The following SASH1 variants were observed in gnomAD, a reference collection of about 807,000 sequenced individuals.
SASH1 encodes SAM and SH3 domain containing 1, also known as SAM and SH3 domain-containing protein 1.
In SASH1, 44 loss-of-function variants were observed where a neutral mutation model predicts 125.2. That is an observed-to-expected ratio of 0.35 (90% confidence interval 0.28 to 0.45). SASH1 has a LOEUF of 0.45. SASH1 is among the 20% of genes least tolerant of loss of function. The probability of loss-of-function intolerance (pLI) is 1.00; values close to 1 mark genes in which losing one functional copy is unlikely to be tolerated. For missense variants in SASH1, 1,426 were observed against 1,614.5 expected (o/e 0.88, Z 2.00); for synonymous variants, 639 against 649.1 (o/e 0.98, Z 0.24).
intron 2 of SASH1, among the ~76,000 whole-genome samples, chr6:148,436,494 G>C (rs1776295283): frequency 6.6e-6 from 1 of 151,468 alleles, no homozygotes; most frequent in Non-Finnish European, 1.5e-5. Context: ...AACAGAATGA[G>C]ACCTTGTCTC....
At chr6:148,340,375 C>G (rs1781285152), upstream of SASH1, among the ~76,000 whole-genome samples, 1 of 151,738 alleles carries the variant, frequency 6.6e-6, no homozygotes, top group Admixed American at 6.6e-5. Context: ...CCCAGCTACT[C>G]AGGAGGCTGA....
chr6:148,209,158 A>C, the SASH1 span, among the ~76,000 whole-genome samples: 1 of 152,230 alleles, frequency 6.6e-6, no homozygotes, highest in Non-Finnish European at 1.5e-5. Context: ...TGCCTTTATA[A>C]ATCACCTGAA....
intron 7 of SASH1, among the ~76,000 whole-genome samples, chr6:148,478,506 G>A (rs1778469156): frequency 6.6e-6 from 1 of 152,178 alleles, no homozygotes; most frequent in Non-Finnish European, 1.5e-5. Context: ...ATAGAGAGTA[G>A]AATGATGGTT....
intron 16 of SASH1, among the ~76,000 whole-genome samples, chr6:148,537,086 A>G (rs1183295332): frequency 6.6e-6 from 1 of 152,214 alleles, no homozygotes; most frequent in Non-Finnish European, 1.5e-5. Context: ...GTGGCTAAGA[A>G]GTAGTGCCTC....
intron 1 of SASH1, among the ~76,000 whole-genome samples, chr6:148,370,524 A>T (rs548428294): frequency 8.7e-4 from 132 of 152,144 alleles, no homozygotes; most frequent in African/African-American, 2.9e-3. Flanking sequence ...ATGCTTTTTC[A>T]AAAATATATT....
chr6:148,302,876 G>T (rs1182874462), intron 1 of SASH1, among the ~76,000 whole-genome samples: 1 of 150,924 alleles, frequency 6.6e-6, no homozygotes, highest in Non-Finnish European at 1.5e-5. Flanking sequence ...AGAAAGAGAT[G>T]ATGGCAACTA....
At chr6:148,306,883 T>C (rs145848716) in intron 1 of SASH1, among the ~76,000 whole-genome samples, 2 of 152,132 alleles carry the variant, frequency 1.3e-5, no homozygotes, top group African/African-American at 2.4e-5. Context: ...CTCTGTGCAA[T>C]GTGCTCAAGC....
the SASH1 span, among the ~76,000 whole-genome samples, chr6:148,207,614 A>C: frequency 6.6e-6 from 1 of 152,234 alleles, no homozygotes; most frequent in Non-Finnish European, 1.5e-5. Flanking sequence ...CGGGAGCCCC[A>C]TGTGCTGCCT....
upstream of SASH1, among the ~76,000 whole-genome samples, chr6:148,271,919 G>A (rs1779071952): frequency 6.6e-6 from 1 of 152,194 alleles, no homozygotes. Context: ...ACACCGTGCT[G>A]AGAGTTTTGT....
At chr6:148,327,529 C>T (rs1029341003) in intron 1 of SASH1, among the ~76,000 whole-genome samples, 10 of 151,326 alleles carry the variant, frequency 6.6e-5, no homozygotes, top group Non-Finnish European at 1.0e-4. Context: ...GTGATCCACC[C>T]GCCTTGGCCT....
At chr6:148,300,165 G>T (rs1424994027) in intron 1 of SASH1, among the ~76,000 whole-genome samples, 2 of 152,160 alleles carry the variant, frequency 1.3e-5, no homozygotes, top group Non-Finnish European at 1.5e-5. Context: ...ATAGTACCAA[G>T]AAATAAATTG....
At chr6:148,237,026 G>T in the SASH1 span, among the ~76,000 whole-genome samples, 2 of 152,176 alleles carry the variant, frequency 1.3e-5, no homozygotes, top group Non-Finnish European at 1.5e-5. Flanking sequence ...CTTGACCTTG[G>T]ACTTCCCAAC....
intron 1 of SASH1, among the ~76,000 whole-genome samples, chr6:148,279,390 G>C (rs1304491100): frequency 6.6e-6 from 1 of 152,122 alleles, no homozygotes; most frequent in Non-Finnish European, 1.5e-5. Context: ...AATCTCCCAG[G>C]CTAATGCCTA....
chr6:148,431,976 ATT>A lies in SASH1; in HGVS notation c.286-8192_286-8191del, dbSNP rs5880778. On this transcript the variant is annotated intron_variant, in intron 2 of 19. Transcript: ENST00000367467. ...ACTAGATAGTGTACAAAGTAATATAATTTTTTTTTTTTTTTTTGAGACTGAAT... is the reference window on the plus strand; with the variant it reads ...ACTAGATAGTGTACAAAGTAATATAATTTTTTTTTTTTTTTGAGACTGAAT... 3.6e-3 allele frequency among the ~76,000 whole-genome samples: 502 copies of A among 139,974 alleles called. 1 individual carries two copies. Among genetic ancestry groups the A allele is most frequent in the African/African-American group, 9.6e-3 (363 of 37,910 alleles). The allele number at this position is 139,974 out of a possible 152,430, so 91.8% of individuals were successfully genotyped here.
At chr6:148,369,389 A>T (rs1047403305) in intron 1 of SASH1, among the ~76,000 whole-genome samples, 1 of 152,184 alleles carries the variant, frequency 6.6e-6, no homozygotes, top group Admixed American at 6.5e-5. Flanking sequence ...AGTTTTTTGA[A>T]GATAGTTTAA....
chr6:148,514,458 T>TAAAAAAAAAAAAAAAAAAAAAA lies in SASH1; in HGVS notation c.862+9_862+30dup. 1 of 572,102 alleles carries TAAAAAAAAAAAAAAAAAAAAAA rather than the reference T, an allele frequency of 1.7e-6. No individual in the cohort carries two copies. The allele number at this position is 572,102 out of a possible 1,614,324, so 35.4% of individuals were successfully genotyped here. On this transcript the variant is annotated splice_region_variant and intron_variant, in intron 9 of 19. Transcript: ENST00000367467. ...AAATGAAAAAACCCAGCACTGAAGG[T>TAAAAAAAAAAAAAAAAAAAAAA]AAAAAAAAAAAAAAAAAAAAAAAAA...
intron 8 of SASH1, among the ~76,000 whole-genome samples, chr6:148,493,055 G>A (rs747996270): frequency 6.6e-6 from 1 of 152,174 alleles, no homozygotes; most frequent in Non-Finnish European, 1.5e-5. Flanking sequence ...CAGAAGTTCT[G>A]AAGAGTGACT....
intron 2 of SASH1, among the ~76,000 whole-genome samples, chr6:148,419,727 C>T (rs1784976393): frequency 6.6e-6 from 1 of 152,112 alleles, no homozygotes; most frequent in Admixed American, 6.6e-5. Flanking sequence ...TGCTTGTTGG[C>T]TTTTCCTGAG....
intron 4 of SASH1, among the ~76,000 whole-genome samples, chr6:148,460,204 C>G (rs897968808): frequency 2.6e-5 from 4 of 152,210 alleles, no homozygotes; most frequent in African/African-American, 7.2e-5. Flanking sequence ...TCTAAATTAG[C>G]TGCATCTTTC....
Sources: gnomAD v4.1 joint callset for allele counts (sites outside exome capture counted in the v4.1 genomes callset) on GRCh38, gnomAD v4.1.1 for gene constraint, MANE v1.5 for transcripts, NCBI Gene and HGNC (gene_info 2026-07-23, HGNC 2026-07-21) for gene names.